Variants in FBN2 observed in about 807,000 individuals in gnomAD.
FBN2 encodes fibrillin-2.
In FBN2, 105 loss-of-function variants were observed where a neutral mutation model predicts 355.6. The ratio of observed to expected loss-of-function variants is 0.30; its 90% CI spans 0.25 to 0.35. The LOEUF is 0.35. Ranked by LOEUF, FBN2 falls within the 10% of genes least tolerant of loss-of-function variation. The pLI is 1.00. For missense variants in FBN2, 3,280 were observed against 3,758.7 expected (o/e 0.87, Z 3.33); for synonymous variants, 1,350 against 1,301.2 (o/e 1.04, Z -0.81).
chr5:128,530,580 A>T lies in FBN2; in HGVS notation c.436+15T>A, dbSNP rs764464486. On this transcript the variant is annotated intron_variant, in intron 3 of 64. Transcript: ENST00000262464. ...AAGAAAAATGCAGTGAAAAGGCCACAAGTAAGAAACATACTTGATTTTGAT... is the reference window on the plus strand; with the variant it reads ...AAGAAAAATGCAGTGAAAAGGCCACTAGTAAGAAACATACTTGATTTTGAT... The T allele has an allele frequency of 2.5e-6, 4 of 1,572,492 alleles. No homozygotes were observed. In the South Asian group the frequency reaches 4.4e-5, roughly 17 times the overall value.
chr5:128,500,169 C>T (rs986712550), intron 5 of FBN2, among the ~76,000 whole-genome samples: 2 of 151,848 alleles, frequency 1.3e-5, no homozygotes, highest in African/African-American at 4.8e-5. Flanking sequence ...AAAAAAAATT[C>T]CTGGAAAATA....
intron 5 of FBN2, among the ~76,000 whole-genome samples, chr5:128,479,938 C>G (rs1343994710): frequency 2.5e-5 from 1 of 39,306 alleles, no homozygotes. Flanking sequence ...TTGTCTCTCT[C>G]TCTCTCTCTC....
chr5:128,449,656 T>C (rs1428734872), intron 6 of FBN2, among the ~76,000 whole-genome samples: 6 of 150,980 alleles, frequency 4.0e-5, no homozygotes, highest in Admixed American at 4.0e-4. Context: ...AAAGAATAGG[T>C]GAGACAGACA....
intron 6 of FBN2, among the ~76,000 whole-genome samples, chr5:128,448,027 C>A (rs1754121702): frequency 6.6e-6 from 1 of 152,202 alleles, no homozygotes; most frequent in Non-Finnish European, 1.5e-5. Flanking sequence ...TTTAGCTTCT[C>A]AAAACCTCAG....
intron 8 of FBN2, among the ~76,000 whole-genome samples, chr5:128,405,354 T>G (rs1336160799): frequency 1.3e-5 from 2 of 151,966 alleles, no homozygotes; most frequent in Admixed American, 1.3e-4. Flanking sequence ...GAAATACAAG[T>G]GTGAGGTGGC....
At chr5:128,489,130 G>T (rs1755431356) in intron 5 of FBN2, among the ~76,000 whole-genome samples, 1 of 106,640 alleles carries the variant, frequency 9.4e-6, no homozygotes. Context: ...GTGTAAAAGT[G>T]TTCCTATTCT....
intron 41 of FBN2, among the ~76,000 whole-genome samples, chr5:128,308,518 T>C (rs1211664317): frequency 6.6e-6 from 1 of 152,170 alleles, no homozygotes; most frequent in African/African-American, 2.4e-5. Flanking sequence ...TAATCACTGT[T>C]TCTTATTTGG....
chr5:128,273,095 G>C (rs137906650), intron 61 of FBN2, among the ~76,000 whole-genome samples: 1 of 152,154 alleles, frequency 6.6e-6, no homozygotes, highest in African/African-American at 2.4e-5. Flanking sequence ...TTAAAATCAA[G>C]AAAACTATAA....
chr5:128,286,089 G>T (rs1437764971), intron 55 of FBN2, among the ~76,000 whole-genome samples: 1 of 152,058 alleles, frequency 6.6e-6, no homozygotes, highest in Non-Finnish European at 1.5e-5. Context: ...TTAATCTTCT[G>T]GGATAACAGA....
At chr5:128,519,836 A>G (rs1245212232) in intron 4 of FBN2, among the ~76,000 whole-genome samples, 1 of 152,058 alleles carries the variant, frequency 6.6e-6, no homozygotes, top group African/African-American at 2.4e-5. Context: ...AAAAATGAAA[A>G]TGATATGGCA....
In FBN2 at chr5:128,519,321, TG is replaced by T; in HGVS notation, c.579del (p.Asn194ThrfsTer36). ...GCQNGGRCIG[P>X]NRCACVYGFT... Reference sequence around the variant, plus strand: ...AACCCATAAACACAAGCACAGCGGTTGGGTCCGATGCAACGTCCACCATTCT... The same window carrying T: ...AACCCATAAACACAAGCACAGCGGTTGGTCCGATGCAACGTCCACCATTCT... On this transcript the variant is annotated frameshift_variant, in exon 5 of 65. Transcript: ENST00000262464. LOFTEE classifies it high-confidence loss of function. 1 of 1,614,010 alleles carries T rather than the reference TG, an allele frequency of 6.2e-7. No individual in the cohort carries two copies.
At chr5:128,494,077 A>T (rs76999931) in intron 5 of FBN2, among the ~76,000 whole-genome samples, 4,416 of 152,290 alleles carry the variant, frequency 0.029, 103 homozygotes, top group Admixed American at 0.048. Flanking sequence ...GGAGACACAG[A>T]TATTTCAGAG....
intron 36 of FBN2, among the ~76,000 whole-genome samples, chr5:128,314,642 A>C (rs1750152421): frequency 6.6e-6 from 1 of 151,992 alleles, no homozygotes; most frequent in Admixed American, 6.6e-5. Flanking sequence ...TTCCTCATTT[A>C]TTCACCTGTT....
intron 5 of FBN2, among the ~76,000 whole-genome samples, chr5:128,465,248 T>C (rs907444075): frequency 2.0e-5 from 3 of 152,190 alleles, no homozygotes; most frequent in African/African-American, 7.2e-5. Flanking sequence ...CACATGAAAT[T>C]TGTATTTCTG....
chr5:128,438,807 G>C (rs1753843074), intron 7 of FBN2, among the ~76,000 whole-genome samples: 1 of 152,062 alleles, frequency 6.6e-6, no homozygotes, highest in Non-Finnish European at 1.5e-5. Context: ...TTTTGAATAA[G>C]TAATACATTT....
chr5:128,429,912 T>C (rs1581286466), intron 7 of FBN2, among the ~76,000 whole-genome samples: 1 of 152,198 alleles, frequency 6.6e-6, no homozygotes, highest in East Asian at 1.9e-4. Context: ...CTTTTTTCTT[T>C]TGCAAATTTC....
intron 7 of FBN2, among the ~76,000 whole-genome samples, chr5:128,411,379 G>A (rs1014429239): frequency 6.6e-6 from 1 of 152,198 alleles, no homozygotes; most frequent in African/African-American, 2.4e-5. Context: ...ATTGAAGGAT[G>A]GTGTATGCAG....
At chr5:128,290,035 C>T (rs1749278375) in intron 50 of FBN2, 88 bp from the exon 51 acceptor site, 1 of 770,090 alleles carries the variant, frequency 1.3e-6, no homozygotes. Flanking sequence ...CATGAAATTA[C>T]ACTTAATTAT....
chr5:128,307,181 T>G lies in FBN2; in HGVS notation c.5376A>C (p.Gly1792=). The G allele has an allele frequency of 6.2e-7, 1 of 1,609,994 alleles. No individual in the cohort carries two copies. The highest frequency in any genetic ancestry group is 1.1e-5 in the South Asian group (1 of 91,010). The stretch of plus-strand genomic sequence containing the variant: ...TGTCAAAGGTGAATCCAGGAATATT[T>G]CCACATATGGTTTTAAAGTCAGCTT... ...PGTADFKTIC[G]NIPGFTFDIH... Residue 1792 remains glycine (G), a synonymous_variant, in exon 42 of 65, where the codon GGA becomes GGC. Coordinates refer to ENST00000262464, the MANE Select transcript of FBN2 (RefSeq NM_001999.4).
Sources: allele counts gnomAD v4.1 joint callset (sites outside exome capture counted in the v4.1 genomes callset), GRCh38; gene constraint gnomAD v4.1.1; transcripts MANE v1.5; gene names NCBI Gene and HGNC (gene_info 2026-07-23, HGNC 2026-07-21).